ISG20: variants seen among roughly 807,000 people sequenced by gnomAD.
The protein encoded by ISG20 is interferon stimulated exonuclease gene 20.
In ISG20, 8 loss-of-function variants were observed where a neutral mutation model predicts 11.1. The ratio of observed to expected loss-of-function variants is 0.72; its 90% CI spans 0.42 to 1.30. The LOEUF is 1.30. ISG20 is among the 50% of genes most tolerant of loss of function. The pLI, the probability that ISG20 is intolerant of heterozygous loss-of-function variation, is 0.01. For synonymous variants in ISG20, 110 were observed against 101.7 expected (o/e 1.08, Z -0.49); for missense variants, 243 against 250.2 (o/e 0.97, Z 0.19).
chr15:88,644,382 A>C (rs2058132457), intron 2 of ISG20, among the ~76,000 whole-genome samples: 2 of 151,528 alleles, frequency 1.3e-5, no homozygotes, highest in Non-Finnish European at 2.9e-5. Flanking sequence ...AAATATACAA[A>C]ATTAGCTGGG....
intron 3 of ISG20, among the ~76,000 whole-genome samples, chr15:88,654,975 C>A (rs1037711016): frequency 1.3e-5 from 2 of 152,174 alleles, no homozygotes; most frequent in African/African-American, 2.4e-5. Flanking sequence ...TCCCTGCCTC[C>A]GAAATGCTTG....
rs1234108794 is a variant in ISG20 at position 88,639,957 on chromosome 15, G to A, written c.228+363G>A. Among the ~76,000 whole-genome samples, 2 of 152,224 alleles carry A rather than the reference G, an allele frequency of 1.3e-5. No individual in the cohort carries two copies. Among genetic ancestry groups the A allele is most frequent in the Non-Finnish European group, 2.9e-5 (2 of 68,036 alleles). On this transcript the variant is annotated intron_variant, in intron 2 of 3. Transcript: ENST00000306072. The surrounding 1 kb of genome is among the most constrained non-coding windows in gnomAD (Gnocchi z 4.2). The stretch of plus-strand genomic sequence containing the variant: ...CTGTGGGGAAATGAGAGGATTCTTG[G>A]CTGAGGCTCTGGCAAGAGGCTTTGG...
At chr15:88,654,512 G>A (rs1242110601) in intron 3 of ISG20, among the ~76,000 whole-genome samples, 3 of 152,140 alleles carry the variant, frequency 2.0e-5, no homozygotes, top group Non-Finnish European at 4.4e-5. Context: ...CCAAGAAAAC[G>A]CAGCCAGGTC....
chr15:88,647,027 T>TA (rs2058186793), intron 2 of ISG20: 2 of 152,446 alleles, frequency 1.3e-5, no homozygotes, highest in East Asian at 3.8e-4. Flanking sequence ...TGCCTTGGCC[T>TA]CCCATAGTGT....
At chr15:88,649,937 A>G (rs2141401715) in intron 2 of ISG20, 1 of 410,772 alleles carries the variant, frequency 2.4e-6, no homozygotes. Flanking sequence ...TGCTTCCCGC[A>G]TAGTGACCCT....
At chr15:88,649,880 C>T (rs763984584) in intron 2 of ISG20, 2 of 315,456 alleles carry the variant, frequency 6.3e-6, no homozygotes, top group Admixed American at 4.2e-5. Context: ...CCATGTGGAC[C>T]GCGGGGCAGG....
chr15:88,644,069 G>A (rs2058127121), intron 2 of ISG20, among the ~76,000 whole-genome samples: 1 of 152,164 alleles, frequency 6.6e-6, no homozygotes, highest in Non-Finnish European at 1.5e-5. Context: ...AAGACTCCGT[G>A]AAGCTGGTGG....
intron 2 of ISG20, among the ~76,000 whole-genome samples, chr15:88,640,762 A>G (rs1314604223): frequency 6.6e-6 from 1 of 151,914 alleles, no homozygotes; most frequent in Non-Finnish European, 1.5e-5. Context: ...TCAGGAGTTC[A>G]AGACCATCCT....
intron 2 of ISG20, chr15:88,651,838 A>G: frequency 3.8e-6 from 5 of 1,301,964 alleles, no homozygotes; most frequent in Non-Finnish European, 4.9e-6. Context: ...GGCACCTGGG[A>G]AATACTCAGG....
In ISG20 at chr15:88,639,178, G is replaced by A. The variant is rs910177261; in HGVS notation, c.-25+102G>A. Reference sequence around the variant, plus strand: ...CAGAGGCCCTGGGACACACGGGCAGGGTAAGGCAGGGGATGGGGGAGGCAA... The same window carrying A: ...CAGAGGCCCTGGGACACACGGGCAGAGTAAGGCAGGGGATGGGGGAGGCAA... On this transcript the variant is annotated intron_variant, in intron 1 of 3. Transcript: ENST00000306072. The surrounding 1 kb of genome is among the most constrained non-coding windows in gnomAD (Gnocchi z 4.2). The A allele has an allele frequency of 8.3e-6, 5 of 603,476 alleles. No homozygotes were observed. The highest frequency in any genetic ancestry group is 5.9e-6 in the Non-Finnish European group (2 of 340,122). The allele number at this position is 603,476 out of a possible 1,614,324, so 37.4% of individuals were successfully genotyped here. A position where few individuals can be genotyped will look rare whatever the true frequency, so the allele number is the denominator to read the frequency against.
intron 2 of ISG20, among the ~76,000 whole-genome samples, chr15:88,640,585 G>A (rs1479817855): frequency 1.3e-5 from 2 of 152,172 alleles, no homozygotes; most frequent in African/African-American, 4.8e-5. Context: ...AAGAAAAGAA[G>A]GATAATAGTA....
upstream of ISG20, chr15:88,637,281 G>A (rs577247041): frequency 1.6e-4 from 24 of 151,980 alleles, no homozygotes; most frequent in Middle Eastern, 6.8e-3. Flanking sequence ...GGTTGGGAAG[G>A]CTGGTGGACT....
Position 88,655,786 on chromosome 15 carries a change from T to C in ISG20, c.*255T>C. ...GTATCAATTTCCTTAATATCTTGAA[T>C]CCTGTGGGTCCAAAATGTGGCTTGG... On this transcript the variant is annotated 3_prime_UTR_variant, in exon 4 of 4. Coordinates refer to ENST00000306072, the MANE Select transcript of ISG20 (RefSeq NM_002201.6). 1 of 332,932 alleles carries C rather than the reference T, an allele frequency of 3.0e-6. No individual in the cohort carries two copies. The highest frequency in any genetic ancestry group is 5.5e-6 in the Non-Finnish European group (1 of 182,178). 20.6% of individuals were successfully genotyped at this position (332,932 alleles called of 1,614,324 possible).
intron 2 of ISG20, among the ~76,000 whole-genome samples, chr15:88,646,286 A>C (rs2058171912): frequency 6.6e-6 from 1 of 152,190 alleles, no homozygotes; most frequent in Non-Finnish European, 1.5e-5. Flanking sequence ...TCCCCACCAC[A>C]ACCCTGAACT....
At position 88,643,285 on chromosome 15, in the gene ISG20, A is replaced by G. The variant is rs2058112677; in HGVS notation, c.228+3691A>G. 6.6e-6 allele frequency among the ~76,000 whole-genome samples: 1 copy of G among 152,190 alleles called. No individual in the cohort carries two copies. Among genetic ancestry groups the G allele is most frequent in the Admixed American group, 6.5e-5 (1 of 15,286 alleles). On this transcript the variant is annotated intron_variant, in intron 2 of 3. Coordinates refer to ENST00000306072, the MANE Select transcript of ISG20 (RefSeq NM_002201.6). The surrounding 1 kb of genome is among the most constrained non-coding windows in gnomAD (Gnocchi z 4.4). ...AAAAAGAGCCATAAAATGTCTCAAT[A>G]ACTTTTATATTGATTACCTGTTGAA...
At chr15:88,652,346 C>T (rs1354313709) in intron 3 of ISG20, 36 bp downstream of exon 3, 9 of 1,146,824 alleles carry the variant, frequency 7.8e-6, no homozygotes, top group Non-Finnish European at 1.1e-5. Flanking sequence ...CCTCCCCCCT[C>T]CTCCCCCTCC....
chr15:88,640,233 G>A (rs1851234357), intron 2 of ISG20, among the ~76,000 whole-genome samples: 1 of 152,198 alleles, frequency 6.6e-6, no homozygotes, highest in Non-Finnish European at 1.5e-5. Context: ...AATCTCAGAA[G>A]GGCAGGCGAG....
intron 2 of ISG20, chr15:88,651,705 C>A: frequency 1.2e-6 from 1 of 811,848 alleles, no homozygotes; most frequent in Non-Finnish European, 1.5e-6. Flanking sequence ...CCAGGTAATG[C>A]ATTCACAGAT....
At position 88,653,694 on chromosome 15, in the gene ISG20, C is replaced by T. The variant is rs181863052; in HGVS notation, c.429+1384C>T. On this transcript the variant is annotated intron_variant, in intron 3 of 3. Transcript: ENST00000306072. ...GGCAGCTCCTGCCTGCACTGATGCC[C>T]CTAGAAACCAGCCCTCCCGCCCGCC... is the stretch of plus-strand genomic sequence containing the variant. 6.3e-3 allele frequency among the ~76,000 whole-genome samples: 956 copies of T among 152,054 alleles called. 7 individuals carry two copies. Among genetic ancestry groups the T allele is most frequent in the African/African-American group, 0.02 (847 of 41,424 alleles).
Sources: allele counts gnomAD v4.1 joint callset (sites outside exome capture counted in the v4.1 genomes callset), GRCh38; gene constraint gnomAD v4.1.1; non-coding constraint Gnocchi (gnomAD v3.1); transcripts MANE v1.5; gene names NCBI Gene and HGNC (gene_info 2026-07-23, HGNC 2026-07-21).